Variants in DTD1 observed in about 807,000 individuals in gnomAD.
DTD1 encodes the protein D-tyrosyl-tRNA deacylase 1 homolog.
DTD1 carries 13 observed loss-of-function variants against 25.6 expected under a neutral mutation model. The observed-to-expected ratio is 0.51, with a 90% CI of 0.33 to 0.81. The LOEUF (loss-of-function observed/expected upper bound fraction) is 0.81, where lower values mean the gene tolerates loss of function less well. Ranked by LOEUF, DTD1 falls within the 30% of genes least tolerant of loss-of-function variation. DTD1 has a pLI of 0.02. For synonymous variants in DTD1, 110 were observed against 103.6 expected, an observed-to-expected ratio of 1.06 and a Z score of -0.37; for missense variants, 193 against 266.4, an observed-to-expected ratio of 0.72 and a Z score of 1.92.
rs540080596 is a variant in DTD1 at position 18,749,994 on chromosome 20, GTTC to G, written c.*19+5729_*19+5731del. On this transcript the variant is annotated intron_variant, in intron 5 of 5. Transcript: ENST00000377452. The surrounding 1 kb of genome is among the most constrained non-coding windows in gnomAD (Gnocchi z 4.2). Reference sequence around the variant, plus strand: ...GATGGTTTACCATAGGCATCCAGTTGTTCTTCTTTACGTCAGGGTCAGCAGTGA... The same window carrying G: ...GATGGTTTACCATAGGCATCCAGTTGTTCTTTACGTCAGGGTCAGCAGTGA... 2.2e-3 allele frequency among the ~76,000 whole-genome samples: 333 copies of G among 152,306 alleles called. 1 individual carries two copies. Among genetic ancestry groups the G allele is most frequent in the Middle Eastern group, 3.4e-3 (1 of 294 alleles).
intron 4 of DTD1, among the ~76,000 whole-genome samples, chr20:18,658,189 ATGTGTGTGTGTGTGTGTGTGTG>A (rs60197503): frequency 6.8e-6 from 1 of 146,140 alleles, no homozygotes; most frequent in African/African-American, 2.6e-5. Flanking sequence ...AGAGTCTGAG[ATGTGTGTGTGTGTGTGTGTGTG>A]TGTGTGTGTG....
chr20:18,694,451 G>A (rs1421803876), intron 4 of DTD1, among the ~76,000 whole-genome samples: 1 of 152,184 alleles, frequency 6.6e-6, no homozygotes, highest in Non-Finnish European at 1.5e-5. Flanking sequence ...CGTTTAGAAC[G>A]TGTTCTCCAG....
chr20:18,630,846 C>T (rs2060784565), intron 4 of DTD1: 1 of 154,564 alleles, frequency 6.5e-6, no homozygotes, highest in African/African-American at 2.4e-5. Context: ...GAATGTTTCT[C>T]ACTTTGGGTT....
Position 18,749,299 on chromosome 20 carries a change from C to T in DTD1, c.*19+5028C>T, listed in dbSNP as rs2061312915. Among the ~76,000 whole-genome samples, 1 of 152,196 alleles carries T rather than the reference C, an allele frequency of 6.6e-6. No individual in the cohort carries two copies. The highest frequency in any genetic ancestry group is 2.4e-5 in the African/African-American group (1 of 41,446). On this transcript the variant is annotated intron_variant, in intron 5 of 5. Transcript: ENST00000377452. The surrounding 1 kb of genome is among the most constrained non-coding windows in gnomAD (Gnocchi z 4.2). Reference sequence around the variant, plus strand: ...GTGAGGTAGCAAGACACGGTCAGGCCTCAGGGCCTGTGAGAGTGCTGCTCA... The same window carrying T: ...GTGAGGTAGCAAGACACGGTCAGGCTTCAGGGCCTGTGAGAGTGCTGCTCA...
intron 3 of DTD1, among the ~76,000 whole-genome samples, chr20:18,602,059 C>A (rs2060637484): frequency 3.3e-5 from 2 of 61,506 alleles, no homozygotes; most frequent in South Asian, 5.2e-4. Flanking sequence ...CTAGAATAAC[C>A]AATACAGAGA....
intron 1 of DTD1, 150 bp downstream of exon 1, chr20:18,588,265 C>T (rs2060574193): frequency 1.3e-6 from 1 of 749,090 alleles, no homozygotes; most frequent in Non-Finnish European, 1.8e-6. Context: ...CGCGCAGCCG[C>T]GAGTCCCCAG....
At chr20:18,693,124 C>T (rs1194334440) in intron 4 of DTD1, among the ~76,000 whole-genome samples, 5 of 151,982 alleles carry the variant, frequency 3.3e-5, no homozygotes, top group Non-Finnish European at 7.4e-5. Context: ...AACTCCTGAC[C>T]TCCAGTGATC....
chr20:18,761,209 C>T (rs978299582), intron 5 of DTD1, among the ~76,000 whole-genome samples: 11 of 151,832 alleles, frequency 7.2e-5, no homozygotes, highest in Admixed American at 1.3e-4. Context: ...TCGCCCTGCT[C>T]GGTGTGCTGC....
At chr20:18,654,845 CT>C (rs1258703121) in intron 4 of DTD1, among the ~76,000 whole-genome samples, 9 of 151,780 alleles carry the variant, frequency 5.9e-5, no homozygotes, top group Admixed American at 5.3e-4. Flanking sequence ...GTAAGGGAGG[CT>C]TTGGTTTTAT....
At chr20:18,588,799 T>A (rs1215026248) in intron 1 of DTD1, 1 of 985,256 alleles carries the variant, frequency 1.0e-6, no homozygotes. Context: ...CGACCCCTGG[T>A]CATCACTCAG....
At chr20:18,668,972 G>A (rs956703816) in intron 4 of DTD1, among the ~76,000 whole-genome samples, 2 of 152,142 alleles carry the variant, frequency 1.3e-5, no homozygotes, top group Non-Finnish European at 2.9e-5. Context: ...TGCAAGTCTC[G>A]CCCAGAACAG....
At chr20:18,599,992 A>C (rs1402804116) in intron 3 of DTD1, among the ~76,000 whole-genome samples, 1 of 152,170 alleles carries the variant, frequency 6.6e-6, no homozygotes, top group Non-Finnish European at 1.5e-5. Context: ...GTGAATATTC[A>C]ATTTACAAAT....
intron 4 of DTD1, among the ~76,000 whole-genome samples, chr20:18,639,876 C>A (rs766839322): frequency 6.6e-6 from 1 of 151,872 alleles, no homozygotes; most frequent in Non-Finnish European, 1.5e-5. Flanking sequence ...ACATAATATC[C>A]CCCGGGCAGT....
intron 5 of DTD1, among the ~76,000 whole-genome samples, chr20:18,751,204 C>T (rs6081354): frequency 0.13 from 20,042 of 152,116 alleles, 1,637 homozygotes; most frequent in Non-Finnish European, 0.18. Context: ...AACATTTGTA[C>T]CACATTCTCA....
intron 4 of DTD1, among the ~76,000 whole-genome samples, chr20:18,726,914 C>T (rs1168493941): frequency 6.6e-6 from 1 of 152,182 alleles, no homozygotes; most frequent in African/African-American, 2.4e-5. Context: ...CTTTATCTTT[C>T]CCAGAGAAGG....
At chr20:18,730,771 A>G (rs1211140146) in intron 4 of DTD1, among the ~76,000 whole-genome samples, 1 of 152,196 alleles carries the variant, frequency 6.6e-6, no homozygotes, top group African/African-American at 2.4e-5. Context: ...AAGAGGCTGG[A>G]ACTCTTTTAT....
At chr20:18,746,201 G>C (rs920807011) in intron 5 of DTD1, among the ~76,000 whole-genome samples, 3 of 152,124 alleles carry the variant, frequency 2.0e-5, no homozygotes, top group African/African-American at 7.2e-5. Context: ...GGGGAGCCAG[G>C]TCTCGGACAT....
chr20:18,592,386 A>G (rs1600303300), intron 1 of DTD1: 1 of 152,248 alleles, frequency 6.6e-6, no homozygotes, highest in Non-Finnish European at 1.5e-5. Context: ...TGAGGCAGGG[A>G]GGATTGCTTG....
chr20:18,612,420 A>T (rs1277024976), intron 3 of DTD1, among the ~76,000 whole-genome samples: 1 of 152,050 alleles, frequency 6.6e-6, no homozygotes, highest in Non-Finnish European at 1.5e-5. Context: ...TGTGCAAAGC[A>T]AACACTCTTT....
Sources: allele counts gnomAD v4.1 joint callset (sites outside exome capture counted in the v4.1 genomes callset), GRCh38; gene constraint gnomAD v4.1.1; non-coding constraint Gnocchi (gnomAD v3.1); transcripts MANE v1.5; gene names NCBI Gene and HGNC (gene_info 2026-07-23, HGNC 2026-07-21).